LRBA: variants seen among roughly 807,000 people sequenced by gnomAD.
LRBA encodes the protein lipopolysaccharide-responsive and beige-like anchor protein.
LRBA carries 176 observed loss-of-function variants against 330.0 expected under a neutral mutation model. That is an observed-to-expected ratio of 0.53 (90% CI 0.47 to 0.60). The LOEUF is 0.60. LRBA is among the 20% of genes least tolerant of loss of function. The pLI is 0.00. For synonymous variants in LRBA, 1,230 were observed against 1,193.0 expected, an observed-to-expected ratio of 1.03 and a Z score of -0.64; for missense variants, 3,259 against 3,444.8, an observed-to-expected ratio of 0.95 and a Z score of 1.35.
Position 150,868,280 on chromosome 4 carries a change from T to G in LRBA, c.2475A>C (p.Leu825=), listed in dbSNP as rs1441814185. 1 of 1,611,826 alleles carries G rather than the reference T, an allele frequency of 6.2e-7. No homozygotes were observed. The highest frequency in any genetic ancestry group is 1.7e-5 in the Admixed American group (1 of 59,826). The change falls in exon 21 of 57, where the codon CTA becomes CTC. Residue 825 remains leucine (L), a synonymous_variant. Transcript: ENST00000651943. ...CTGGGCACTGGGGAGAATTTCGAAG[T>G]AGGGTCGCAATTACTTTTAGTATCT... ...NPQILKVIAT[L]LRNSPQCPES... is the part of the protein sequence containing the mutation.
chr4:150,851,369 A>T (rs1214982759), intron 23 of LRBA, among the ~76,000 whole-genome samples: 1 of 152,238 alleles, frequency 6.6e-6, no homozygotes, highest in Admixed American at 6.5e-5. Context: ...GTGGAAAATG[A>T]CAACATGCTA....
chr4:150,943,206 C>T (rs1392680019), intron 2 of LRBA, among the ~76,000 whole-genome samples: 2 of 152,148 alleles, frequency 1.3e-5, no homozygotes, highest in African/African-American at 2.4e-5. Context: ...TAATATGCAA[C>T]TGTGCAGTAG....
At chr4:150,802,863 A>G (rs1439566135) in intron 33 of LRBA, among the ~76,000 whole-genome samples, 1 of 151,754 alleles carries the variant, frequency 6.6e-6, no homozygotes, top group African/African-American at 2.4e-5. Flanking sequence ...TCTCTACAAA[A>G]TATACAAAAT....
At chr4:150,959,570 T>C (rs1284531202) in intron 2 of LRBA, among the ~76,000 whole-genome samples, 5 of 149,334 alleles carry the variant, frequency 3.3e-5, no homozygotes, top group South Asian at 2.1e-4. Flanking sequence ...AATAAAGTAA[T>C]AATAATTGCC....
intron 22 of LRBA, among the ~76,000 whole-genome samples, chr4:150,859,827 T>A (rs1407803342): frequency 6.6e-6 from 1 of 152,216 alleles, no homozygotes; most frequent in Non-Finnish European, 1.5e-5. Flanking sequence ...AGAACCATGT[T>A]ATAAATTTGG....
At chr4:150,687,646 A>G (rs1002736479) in intron 36 of LRBA, among the ~76,000 whole-genome samples, 1 of 152,136 alleles carries the variant, frequency 6.6e-6, no homozygotes, top group African/African-American at 2.4e-5. Flanking sequence ...GGATAAATAA[A>G]CCTCCACAGA....
intron 40 of LRBA, among the ~76,000 whole-genome samples, chr4:150,502,959 C>T: frequency 6.6e-6 from 1 of 152,190 alleles, no homozygotes; most frequent in African/African-American, 2.4e-5. Flanking sequence ...TCATTGCTAG[C>T]ACAGCAGTCT....
chr4:150,342,676 C>G (rs1735750840), intron 48 of LRBA, among the ~76,000 whole-genome samples: 1 of 152,128 alleles, frequency 6.6e-6, no homozygotes, highest in Non-Finnish European at 1.5e-5. Context: ...TGATCACTTA[C>G]TATGCCATGT....
At chr4:150,452,537 G>A (rs562690239) in intron 44 of LRBA, among the ~76,000 whole-genome samples, 1 of 151,258 alleles carries the variant, frequency 6.6e-6, no homozygotes, top group Admixed American at 6.6e-5. Flanking sequence ...CAGGAGAATC[G>A]CTTGAACCCG....
intron 49 of LRBA, among the ~76,000 whole-genome samples, chr4:150,325,476 G>T (rs1438739607): frequency 1.3e-5 from 2 of 152,076 alleles, no homozygotes; most frequent in African/African-American, 4.8e-5. Context: ...AACTAATCTA[G>T]AAACTCAGAG....
intron 2 of LRBA, among the ~76,000 whole-genome samples, chr4:150,967,944 C>T (rs965252513): frequency 2.0e-5 from 3 of 151,774 alleles, no homozygotes; most frequent in African/African-American, 7.3e-5. Context: ...TGAAATTAGG[C>T]CAATTAATAA....
chr4:150,745,008 A>G (rs1732496243), intron 35 of LRBA, among the ~76,000 whole-genome samples: 1 of 152,162 alleles, frequency 6.6e-6, no homozygotes, highest in African/African-American at 2.4e-5. Flanking sequence ...CCAGGCCATG[A>G]GACAGGGAAG....
intron 7 of LRBA, 124 bp downstream of exon 7, chr4:150,916,277 T>A (rs1008432317): frequency 2.2e-6 from 2 of 921,260 alleles, no homozygotes; most frequent in Admixed American, 6.2e-5. Flanking sequence ...TTACGCTTCA[T>A]CTTTTTAAAC....
rs746900016 is a variant in LRBA, at chr4:150,916,541, T to G, written c.768-14A>C. 1.2e-6 allele frequency: 2 copies of G among 1,610,316 alleles called. No homozygotes were observed. Among genetic ancestry groups the G allele is most frequent in the Admixed American group, 3.4e-5 (2 of 59,020 alleles). ...CTGGTTCTGAAACTATAAAGAATAG[T>G]TTTCATTTTACCTCTAAATATTCTT... is the stretch of plus-strand genomic sequence containing the variant. On this transcript the variant is annotated splice_polypyrimidine_tract_variant and intron_variant, in intron 6 of 56. Transcript: ENST00000651943.
intron 2 of LRBA, among the ~76,000 whole-genome samples, chr4:150,948,976 T>C (rs989677651): frequency 2.0e-5 from 3 of 151,798 alleles, no homozygotes; most frequent in Non-Finnish European, 4.4e-5. Flanking sequence ...ATAATTCGTA[T>C]GTTGTTGGTG....
intron 36 of LRBA, among the ~76,000 whole-genome samples, chr4:150,730,876 G>A (rs1445795043): frequency 2.0e-5 from 3 of 150,764 alleles, no homozygotes; most frequent in Non-Finnish European, 4.4e-5. Context: ...AAATTAGCCG[G>A]GTGTGGTGGC....
chr4:150,435,724 T>TA lies in LRBA; in HGVS notation c.6922-17dup, dbSNP rs1276074852. The TA allele has an allele frequency of 3.8e-6, 6 of 1,587,332 alleles. No homozygotes were observed. Among genetic ancestry groups the TA allele is most frequent in the Non-Finnish European group, 4.3e-6 (5 of 1,170,654 alleles). ...TAAAGGGTTCCTAAAAAATAGCAATTAAAAAAATCCATATGTTCCCTCAGG... is the reference window on the plus strand; with the variant it reads ...TAAAGGGTTCCTAAAAAATAGCAATTAAAAAAAATCCATATGTTCCCTCAGG... On this transcript the variant is annotated splice_polypyrimidine_tract_variant and intron_variant, in intron 45 of 56. Transcript: ENST00000651943.
intron 31 of LRBA, among the ~76,000 whole-genome samples, chr4:150,814,067 T>C (rs1332380195): frequency 2.6e-5 from 4 of 152,046 alleles, no homozygotes; most frequent in African/African-American, 4.8e-5. Flanking sequence ...AATATTGTAT[T>C]GAAAGTGAAA....
At chr4:150,895,021 C>T (rs1227244050) in intron 16 of LRBA, among the ~76,000 whole-genome samples, 1 of 151,940 alleles carries the variant, frequency 6.6e-6, no homozygotes, top group East Asian at 1.9e-4. Context: ...CAATCATTAT[C>T]CCTCATTTAA....
Sources: gnomAD v4.1 joint callset for allele counts (sites outside exome capture counted in the v4.1 genomes callset) on GRCh38, gnomAD v4.1.1 for gene constraint, MANE v1.5 for transcripts, NCBI Gene and HGNC (gene_info 2026-07-23, HGNC 2026-07-21) for gene names.